SHQ1: variants seen among roughly 807,000 people sequenced by gnomAD.
SHQ1 encodes the protein protein SHQ1 homolog.
A neutral mutation model predicts 53.8 loss-of-function variants in SHQ1; 49 were observed. That is an observed-to-expected ratio of 0.91 (90% CI 0.72 to 1.16). The LOEUF (loss-of-function observed/expected upper bound fraction) is 1.16, where lower values mean the gene tolerates loss of function less well. Among genes scored for constraint, SHQ1 ranks in the 50% most tolerant of loss-of-function variants. The pLI is 0.00. For synonymous variants in SHQ1, 243 were observed against 251.0 expected (o/e 0.97, Z 0.30); for missense variants, 738 against 683.1 (o/e 1.08, Z -0.90).
chr3:72,837,807 C>A (rs1403257758), intron 4 of SHQ1, among the ~76,000 whole-genome samples: 1 of 152,194 alleles, frequency 6.6e-6, no homozygotes, highest in East Asian at 1.9e-4. Flanking sequence ...CTTGTTACGG[C>A]TGCCATAAAC....
chr3:72,846,297 T>TC, intron 1 of SHQ1: 1 of 1,525,336 alleles, frequency 6.6e-7, no homozygotes, highest in South Asian at 1.2e-5. Context: ...AACTGTATGT[T>TC]CTTTTTTTTT....
chr3:72,763,460 T>C (rs908366755), intron 10 of SHQ1, among the ~76,000 whole-genome samples: 4 of 152,066 alleles, frequency 2.6e-5, no homozygotes, highest in Non-Finnish European at 4.4e-5. Context: ...CACTATAAAG[T>C]TGGTGGTAGA....
intron 10 of SHQ1, among the ~76,000 whole-genome samples, chr3:72,766,378 G>A (rs1159914793): frequency 1.3e-5 from 2 of 152,060 alleles, no homozygotes; most frequent in South Asian, 2.1e-4. Flanking sequence ...GGGCCAACCT[G>A]CACCTCCAAA....
chr3:72,753,279 C>T lies in SHQ1; in HGVS notation c.1182-2443G>A, dbSNP rs967343121. 3 of 985,210 alleles carry T rather than the reference C, an allele frequency of 3.0e-6. No homozygotes were observed. In the African/African-American group the frequency reaches 5.2e-5, roughly 17 times the overall value. The allele number at this position is 985,210 out of a possible 1,614,324, so 61.0% of individuals were successfully genotyped here. On this transcript the variant is annotated intron_variant, in intron 10 of 10. Coordinates refer to ENST00000325599, the MANE Select transcript of SHQ1 (RefSeq NM_018130.3). ...GACAAACTGGATGACGGTGAGTTTA[C>T]AAGATAAATTCATTTGTAAAAGTAT... is the stretch of plus-strand genomic sequence containing the variant.
At chr3:72,730,113 C>A in the SHQ1 span, among the ~76,000 whole-genome samples, 3 of 151,200 alleles carry the variant, frequency 2.0e-5, no homozygotes, top group African/African-American at 7.3e-5. Flanking sequence ...CCACCGTGCC[C>A]GGCCCTAAAT....
intron 10 of SHQ1, among the ~76,000 whole-genome samples, chr3:72,774,850 C>T (rs1432498263): frequency 6.6e-6 from 1 of 152,190 alleles, no homozygotes; most frequent in Non-Finnish European, 1.5e-5. Flanking sequence ...CACAGTGGCT[C>T]ATGCCTGTAA....
At chr3:72,813,726 A>T (rs1475109339) in intron 8 of SHQ1, among the ~76,000 whole-genome samples, 1 of 143,618 alleles carries the variant, frequency 7.0e-6, no homozygotes, top group East Asian at 2.0e-4. Flanking sequence ...GCGCCACTGC[A>T]CTCCAGCCTA....
At chr3:72,782,558 C>T (rs2106761151) in intron 10 of SHQ1, among the ~76,000 whole-genome samples, 1 of 152,284 alleles carries the variant, frequency 6.6e-6, no homozygotes, top group South Asian at 2.1e-4. Context: ...CACAATCAAT[C>T]TCATCACCTT....
chr3:72,810,486 T>G (rs1274162280), intron 9 of SHQ1, among the ~76,000 whole-genome samples: 1 of 152,234 alleles, frequency 6.6e-6, no homozygotes, highest in Admixed American at 6.5e-5. Flanking sequence ...TACATTGGTT[T>G]TGAAAGCTCA....
intron 6 of SHQ1, among the ~76,000 whole-genome samples, chr3:72,823,472 A>G (rs950873576): frequency 6.6e-6 from 1 of 152,214 alleles, no homozygotes; most frequent in Non-Finnish European, 1.5e-5. Flanking sequence ...CACTATATAT[A>G]CTATTTGCAA....
chr3:72,744,856 G>A (rs560520993), downstream of SHQ1, among the ~76,000 whole-genome samples: 13 of 140,716 alleles, frequency 9.2e-5, no homozygotes, highest in East Asian at 9.0e-4. Context: ...AGAGATTTGC[G>A]TTTATGAAGC....
At chr3:72,748,469 T>C (rs1042036073), downstream of SHQ1, among the ~76,000 whole-genome samples, 2 of 151,538 alleles carry the variant, frequency 1.3e-5, no homozygotes, top group Admixed American at 6.6e-5. Flanking sequence ...GGTGGACAGA[T>C]TGCTTGAGCT....
At chr3:72,758,310 C>G (rs1337518641) in intron 10 of SHQ1, among the ~76,000 whole-genome samples, 1 of 152,164 alleles carries the variant, frequency 6.6e-6, no homozygotes, top group African/African-American at 2.4e-5. Flanking sequence ...AGGAAGGCTG[C>G]AAGCTAAAGA....
intron 10 of SHQ1, chr3:72,753,408 T>G: frequency 3.0e-6 from 3 of 985,442 alleles, no homozygotes; most frequent in Non-Finnish European, 2.4e-6. Flanking sequence ...GGTGCCTGCA[T>G]GTACCTGAAA....
intron 6 of SHQ1, among the ~76,000 whole-genome samples, chr3:72,820,576 A>G (rs967207322): frequency 1.3e-5 from 2 of 152,190 alleles, no homozygotes; most frequent in Admixed American, 6.5e-5. Flanking sequence ...AACTTGGGGG[A>G]AGTTTGCACA....
chr3:72,823,021 T>C (rs914649501), intron 6 of SHQ1, among the ~76,000 whole-genome samples: 31 of 151,860 alleles, frequency 2.0e-4, no homozygotes, highest in African/African-American at 7.0e-4. Flanking sequence ...CGGTGGCCGG[T>C]GCCTGTAGTC....
rs375034202 is a variant in SHQ1 at position 72,848,445 on chromosome 3, G to T, written c.-105C>A. 1 of 1,512,456 alleles carries T rather than the reference G, an allele frequency of 6.6e-7. No individual in the cohort carries two copies. The allele number at this position is 1,512,456 out of a possible 1,614,324, so 93.7% of individuals were successfully genotyped here. A position where few individuals can be genotyped will look rare whatever the true frequency, so the allele number is the denominator to read the frequency against. On this transcript the variant is annotated 5_prime_UTR_variant, in exon 1 of 11. Coordinates refer to ENST00000325599, the MANE Select transcript of SHQ1 (RefSeq NM_018130.3). ...ACGCGCAGGAACTCTCGGTGTGAGGGACGGAGCTTCCGGCTCGAGGCGGAA... is the reference window on the plus strand; with the variant it reads ...ACGCGCAGGAACTCTCGGTGTGAGGTACGGAGCTTCCGGCTCGAGGCGGAA...
intron 5 of SHQ1, among the ~76,000 whole-genome samples, chr3:72,826,266 T>C (rs1266718083): frequency 6.6e-6 from 1 of 152,206 alleles, no homozygotes; most frequent in African/African-American, 2.4e-5. Context: ...AAATAGCTGC[T>C]TCATAAACTA....
downstream of SHQ1, among the ~76,000 whole-genome samples, chr3:72,745,240 T>A (rs770786725): frequency 1.8e-4 from 28 of 152,112 alleles, no homozygotes; most frequent in Non-Finnish European, 3.5e-4. Context: ...TTGATCCACG[T>A]AACCAAAGTG....
Sources: gnomAD v4.1 joint callset for allele counts (sites outside exome capture counted in the v4.1 genomes callset) on GRCh38, gnomAD v4.1.1 for gene constraint, MANE v1.5 for transcripts, NCBI Gene and HGNC (gene_info 2026-07-23, HGNC 2026-07-21) for gene names.